The following MPST variants were observed in gnomAD, a reference collection of about 807,000 sequenced individuals.
The protein encoded by MPST is mercaptopyruvate sulfurtransferase.
MPST carries 27 observed loss-of-function variants against 28.5 expected under a neutral mutation model. That is an observed-to-expected ratio of 0.95 (90% CI 0.70 to 1.31). MPST has a LOEUF of 1.31. Ranked by LOEUF, MPST falls within the 50% of genes most tolerant of loss-of-function variation. The pLI, the probability that MPST is intolerant of heterozygous loss-of-function variation, is 0.00. For missense variants in MPST, 492 were observed against 471.1 expected, an observed-to-expected ratio of 1.04 and a Z score of -0.41; for synonymous variants, 204 against 209.3, an observed-to-expected ratio of 0.97 and a Z score of 0.22.
chr22:37,023,664 T>C (rs1192185375), intron 1 of MPST: 2 of 605,054 alleles, frequency 3.3e-6, no homozygotes, highest in Admixed American at 5.8e-5. Flanking sequence ...CTGGAGAGTC[T>C]ACTGTGTCAG....
intron 1 of MPST, 87 bp downstream of exon 1, chr22:37,019,959 A>T (rs1259247258): frequency 1.6e-6 from 1 of 630,274 alleles, no homozygotes; most frequent in African/African-American, 1.9e-5. Flanking sequence ...CCCGCGCGGG[A>T]CCTGGGCGGA....
Position 37,024,224 on chromosome 22 carries a change from G to C in MPST, c.69G>C (p.Ser23=), listed in dbSNP as rs1048578877. 2 of 1,385,282 alleles carry C rather than the reference G, an allele frequency of 1.4e-6. No homozygotes were observed. Among genetic ancestry groups the C allele is most frequent in the Non-Finnish European group, 1.9e-6 (2 of 1,077,726 alleles). 85.8% of individuals were successfully genotyped at this position (1,385,282 alleles called of 1,614,324 possible). The change falls in exon 2 of 3, where the codon TCG becomes TCC. Residue 23 remains serine (S), a synonymous_variant. Coordinates refer to ENST00000429360, the MANE Select transcript of MPST (RefSeq NM_021126.8). ...ARSPSVAAMA[S]PQLCRALVSA... Reference sequence around the variant, plus strand: ...GCCCGAGTGTCGCCGCCATGGCTTCGCCGCAGCTCTGCCGCGCGCTGGTGT... The same window carrying C: ...GCCCGAGTGTCGCCGCCATGGCTTCCCCGCAGCTCTGCCGCGCGCTGGTGT...
In MPST at chr22:37,022,678, G is replaced by A. The variant is rs1171509112; in HGVS notation, c.37-1514G>A. Among the ~76,000 whole-genome samples the A allele has an allele frequency of 5.3e-5, 8 of 152,202 alleles. No homozygotes were observed. The East Asian group carries it at 5.8e-4, about 11-fold the overall frequency. Reference sequence around the variant, plus strand: ...CAGTGGCCTCATTCATAAAGCAGGCGTCCTAATACCCGCCCAAGGCTGCGG... The same window carrying A: ...CAGTGGCCTCATTCATAAAGCAGGCATCCTAATACCCGCCCAAGGCTGCGG... On this transcript the variant is annotated intron_variant, in intron 1 of 2. Transcript: ENST00000429360.
chr22:37,019,750 G>A lies in MPST; in HGVS notation c.-87G>A. 1 of 567,834 alleles carries A rather than the reference G, an allele frequency of 1.8e-6. No individual in the cohort carries two copies. The highest frequency in any genetic ancestry group is 2.6e-6 in the Non-Finnish European group (1 of 381,720). The allele number at this position is 567,834 out of a possible 1,614,324, so 35.2% of individuals were successfully genotyped here. On this transcript the variant is annotated 5_prime_UTR_variant, in exon 1 of 3. Coordinates refer to ENST00000429360, the MANE Select transcript of MPST (RefSeq NM_021126.8). ...GGCCGCGGCGGTGGGCTGTGCCGGA[G>A]TCTCCTCCCTTTGGTCCGCTGCAGG...
Position 37,021,619 on chromosome 22 carries a change from C to T in MPST, c.36+1747C>T, listed in dbSNP as rs563510092. ...TCCCGGGTAGCTGGGACTACAGGCTCATGCCACCATGCCCAGCTAATTTTT... is the reference window on the plus strand; with the variant it reads ...TCCCGGGTAGCTGGGACTACAGGCTTATGCCACCATGCCCAGCTAATTTTT... On this transcript the variant is annotated intron_variant, in intron 1 of 2. Transcript: ENST00000429360. Among the ~76,000 whole-genome samples, 25 of 152,078 alleles carry T rather than the reference C, an allele frequency of 1.6e-4. No homozygotes were observed. In the South Asian group the frequency reaches 5.0e-3, roughly 30 times the overall value.
chr22:37,023,546 G>C (rs546573879), intron 1 of MPST: 4 of 159,230 alleles, frequency 2.5e-5, no homozygotes, highest in African/African-American at 9.6e-5. Flanking sequence ...TTACAAGCGT[G>C]AGCCACCGCA....
chr22:37,019,997 C>G, intron 1 of MPST, 125 bp downstream of exon 1: 1 of 462,936 alleles, frequency 2.2e-6, no homozygotes, highest in East Asian at 3.6e-5. Context: ...GGAGAGAAGG[C>G]GCGCCGCTAC....
At position 37,019,870 on chromosome 22, in the gene MPST, C is replaced by A; in HGVS notation, c.34C>A (p.Arg12=). Residue 12 remains arginine (R), a splice_region_variant and synonymous_variant, in exon 1 of 3, where the codon CGG becomes AGG. Transcript: ENST00000429360. The stretch of plus-strand genomic sequence containing the variant: ...GCCAGGAAGCCGGGAGTCCGAGACC[C>A]GGGTAACTGCCGCGGCGTGGCGGCT... ...AEPGSRESET[R]ARSPSVAAMA... The A allele has an allele frequency of 8.2e-7, 1 of 1,217,688 alleles. No homozygotes were observed. 75.4% of individuals were successfully genotyped at this position (1,217,688 alleles called of 1,614,324 possible).
In MPST at chr22:37,029,647, A is replaced by C; in HGVS notation, c.*133A>C. The C allele has an allele frequency of 1.0e-6, 1 of 954,688 alleles. No homozygotes were observed. The highest frequency in any genetic ancestry group is 2.7e-5 in the East Asian group (1 of 37,708). 59.1% of individuals were successfully genotyped at this position (954,688 alleles called of 1,614,324 possible). A position where few individuals can be genotyped will look rare whatever the true frequency, so the allele number is the denominator to read the frequency against. ...GGTGGCATTTGGGGTGACATCTCAA[A>C]GGCCAGGAATTCCGTTGACTTGTTG... On this transcript the variant is annotated 3_prime_UTR_variant, in exon 3 of 3. Coordinates refer to ENST00000429360, the MANE Select transcript of MPST (RefSeq NM_021126.8).
intron 2 of MPST, 49 bp downstream of exon 2, chr22:37,024,859 G>C (rs896162087): frequency 6.3e-6 from 10 of 1,583,584 alleles, no homozygotes; most frequent in African/African-American, 4.0e-5. Context: ...CGGCCTCTAC[G>C]CCCTGAGCAG....
rs1432127483 is a variant in MPST, at chr22:37,019,808, CG to C, written c.-25del. On this transcript the variant is annotated 5_prime_UTR_variant, in exon 1 of 3. Transcript: ENST00000429360. ...CGGGAGGAGGGGACAGCTGCGGGCG[CG>C]GGGAGGGGGCGCCGCGCCGCGGGGG... The C allele has an allele frequency of 1.7e-6, 2 of 1,143,614 alleles. No individual in the cohort carries two copies. Among genetic ancestry groups the C allele is most frequent in the Non-Finnish European group, 1.1e-6 (1 of 907,436 alleles). The allele number at this position is 1,143,614 out of a possible 1,614,324, so 70.8% of individuals were successfully genotyped here. A position where few individuals can be genotyped will look rare whatever the true frequency, so the allele number is the denominator to read the frequency against.
chr22:37,024,494 G>T lies in MPST; in HGVS notation c.339G>T (p.Ala113=). The change falls in exon 2 of 3, where the codon GCG becomes GCT. Residue 113 remains alanine, a synonymous_variant. Coordinates refer to ENST00000429360, the MANE Select transcript of MPST (RefSeq NM_021126.8). Reference sequence around the variant, plus strand: ...ACGCAGGCCGCCTGGGCGTGGGCGCGGCCACCCACGTCGTGATCTACGACG... The same window carrying T: ...ACGCAGGCCGCCTGGGCGTGGGCGCTGCCACCCACGTCGTGATCTACGACG... ...AEYAGRLGVG[A]ATHVVIYDAS... is the part of the protein sequence containing the mutation. 1 of 1,560,804 alleles carries T rather than the reference G, an allele frequency of 6.4e-7. No homozygotes were observed. Among genetic ancestry groups the T allele is most frequent in the Non-Finnish European group, 8.6e-7 (1 of 1,156,514 alleles).
intron 1 of MPST, chr22:37,023,752 G>A: frequency 8.8e-7 from 1 of 1,140,632 alleles, no homozygotes; most frequent in Non-Finnish European, 1.1e-6. Flanking sequence ...TTCCTATTAG[G>A]TCGCCAATAT....
intron 1 of MPST, among the ~76,000 whole-genome samples, chr22:37,020,854 T>C (rs551686361): frequency 6.6e-6 from 1 of 152,324 alleles, no homozygotes; most frequent in East Asian, 1.9e-4. Context: ...AGATGGGGTT[T>C]CACCATGTTG....
rs1349432516 is a variant in MPST at position 37,029,262 on chromosome 22, A to C, written c.702A>C (p.Thr234=). The change falls in exon 3 of 3, where the codon ACA becomes ACC. Residue 234 remains threonine (T), a synonymous_variant. Coordinates refer to ENST00000429360, the MANE Select transcript of MPST (RefSeq NM_021126.8). ...HIPGTVNIPF[T]DFLSQEGLEK... is the part of the protein sequence containing the mutation. The stretch of plus-strand genomic sequence containing the variant: ...CAGGTACCGTGAACATCCCCTTCAC[A>C]GACTTCCTGAGCCAGGAGGGGCTGG... 6.8e-6 allele frequency: 11 copies of C among 1,614,062 alleles called. No individual in the cohort carries two copies. The highest frequency in any genetic ancestry group is 8.5e-6 in the Non-Finnish European group (10 of 1,180,030).
rs1164114314 is a variant in MPST at position 37,029,211 on chromosome 22, TG to T, written c.656-4del. ...TGTCCCCTCCTCCCTGCTCCCCTGC[TG>T]TAGGCATTGAACCTGGCCACATCCC... On this transcript the variant is annotated splice_polypyrimidine_tract_variant and splice_region_variant and intron_variant, in intron 2 of 2. Coordinates refer to ENST00000429360, the MANE Select transcript of MPST (RefSeq NM_021126.8). The T allele has an allele frequency of 6.2e-7, 1 of 1,612,926 alleles. No homozygotes were observed. Among genetic ancestry groups the T allele is most frequent in the Non-Finnish European group, 8.5e-7 (1 of 1,179,304 alleles).
At chr22:37,024,114 G>A in intron 1 of MPST, 78 bp from the exon 2 acceptor site, 1 of 1,321,006 alleles carries the variant, frequency 7.6e-7, no homozygotes, top group Non-Finnish European at 9.7e-7. Flanking sequence ...GCCGGCCCTC[G>A]CCCATGCTCC....
At chr22:37,026,187 C>T (rs918487759) in intron 2 of MPST, 1 of 152,140 alleles carries the variant, frequency 6.6e-6, no homozygotes, top group Non-Finnish European at 1.5e-5. Context: ...GCTGGTGGTG[C>T]CAGACTGGGG....
rs780107942 is a variant in MPST, at chr22:37,024,818, G to A, written c.655+8G>A. 7.5e-6 allele frequency: 12 copies of A among 1,603,932 alleles called. No homozygotes were observed. The highest frequency in any genetic ancestry group is 1.0e-5 in the Non-Finnish European group (12 of 1,179,014). ...AGCCCGAGCCCCGAGACGGTAACGC[G>A]GGGGAAGGGGGCAGGAGGTCGTCGG... is the stretch of plus-strand genomic sequence containing the variant. On this transcript the variant is annotated splice_region_variant and intron_variant, in intron 2 of 2. Coordinates refer to ENST00000429360, the MANE Select transcript of MPST (RefSeq NM_021126.8).
Sources: allele counts gnomAD v4.1 joint callset (sites outside exome capture counted in the v4.1 genomes callset), GRCh38; gene constraint gnomAD v4.1.1; transcripts MANE v1.5; gene names NCBI Gene and HGNC (gene_info 2026-07-23, HGNC 2026-07-21).